PALM2AKAP2: variants seen among roughly 807,000 people sequenced by gnomAD.
The protein encoded by PALM2AKAP2 is PALM2 and AKAP2 fusion.
A neutral mutation model predicts 71.5 loss-of-function variants in PALM2AKAP2; 37 were observed. The observed-to-expected ratio is 0.52, with a 90% CI of 0.40 to 0.68. The LOEUF (loss-of-function observed/expected upper bound fraction) is 0.68, where lower values mean the gene tolerates loss of function less well. Ranked by LOEUF, PALM2AKAP2 falls within the 30% of genes least tolerant of loss-of-function variation. The pLI is 0.00. For missense variants in PALM2AKAP2, 1,224 were observed against 1,191.8 expected, an observed-to-expected ratio of 1.03 and a Z score of -0.40; for synonymous variants, 468 against 478.8, an observed-to-expected ratio of 0.98 and a Z score of 0.29.
intron 6 of PALM2AKAP2, chr9:109,942,763 G>C (rs1248470108): frequency 1.9e-6 from 3 of 1,613,878 alleles, no homozygotes; most frequent in Non-Finnish European, 1.7e-6. Context: ...ATCTACCATT[G>C]GCCCAGAGGG....
intron 1 of PALM2AKAP2, among the ~76,000 whole-genome samples, chr9:109,735,015 G>A (rs903766528): frequency 6.6e-6 from 1 of 151,784 alleles, no homozygotes; most frequent in African/African-American, 2.4e-5. Flanking sequence ...ACTCTCTGGT[G>A]GGCCAAGCTG....
rs148797049 is a variant in PALM2AKAP2 at position 109,793,947 on chromosome 9, T to G, written c.45+13414T>G. 1.3e-4 allele frequency among the ~76,000 whole-genome samples: 20 copies of G among 152,336 alleles called. No individual in the cohort carries two copies. The East Asian group carries it at 3.9e-3, about 29-fold the overall frequency. On this transcript the variant is annotated intron_variant, in intron 1 of 9. Transcript: ENST00000302798. ...TAATTAAAACAGAGACTCTATGGCC[T>G]GTAAAGCCAAAAATATTTACTATCT... is the stretch of plus-strand genomic sequence containing the variant.
intron 1 of PALM2AKAP2, among the ~76,000 whole-genome samples, chr9:109,843,301 C>CTAA (rs1554719854): frequency 1.5e-5 from 1 of 66,960 alleles, no homozygotes; most frequent in African/African-American, 7.0e-5. Context: ...GCCCCTGTCT[C>CTAA]AAAAAAAAAA....
At position 109,894,372 on chromosome 9, in the gene PALM2AKAP2, G is replaced by C. The variant is rs368762761; in HGVS notation, c.257+13691G>C. 1.3e-3 allele frequency among the ~76,000 whole-genome samples: 204 copies of C among 152,254 alleles called. 1 individual carries two copies. Among genetic ancestry groups the C allele is most frequent in the African/African-American group, 4.7e-3 (195 of 41,570 alleles). ...AACAAACAAACAAAAATGCATCTAA[G>C]TTGTCTGAGTGATGTCCTGCTCAAG... On this transcript the variant is annotated intron_variant, in intron 3 of 9. Coordinates refer to the PALM2AKAP2 transcript ENST00000302798.
At chr9:109,752,029 GT>G (rs1828893435) in intron 1 of PALM2AKAP2, among the ~76,000 whole-genome samples, 1 of 152,082 alleles carries the variant, frequency 6.6e-6, no homozygotes, top group Non-Finnish European at 1.5e-5. Context: ...GGCCTGATTG[GT>G]CCTTTCATGT....
chr9:110,016,924 G>A (rs2132347061), intron 7 of PALM2AKAP2, among the ~76,000 whole-genome samples: 1 of 152,098 alleles, frequency 6.6e-6, no homozygotes, highest in East Asian at 1.9e-4. Flanking sequence ...CTTTTGCCCA[G>A]GCCGGAGTGC....
In PALM2AKAP2 at chr9:109,899,741, G is replaced by A. The variant is rs755199397; in HGVS notation, c.257+19060G>A. On this transcript the variant is annotated intron_variant, in intron 3 of 9. Coordinates refer to the PALM2AKAP2 transcript ENST00000302798. ...ATGTACCAAGCTCTGTCTGTGTCCCGTTCTTTGGATCTACTGTCCCTTCTC... is the reference window on the plus strand; with the variant it reads ...ATGTACCAAGCTCTGTCTGTGTCCCATTCTTTGGATCTACTGTCCCTTCTC... Among the ~76,000 whole-genome samples, 7 of 152,106 alleles carry A rather than the reference G, an allele frequency of 4.6e-5. No homozygotes were observed. In the East Asian group the frequency reaches 5.8e-4, roughly 13 times the overall value.
intron 1 of PALM2AKAP2, among the ~76,000 whole-genome samples, chr9:109,840,959 C>T (rs953683062): frequency 1.3e-5 from 2 of 152,142 alleles, no homozygotes; most frequent in Non-Finnish European, 1.5e-5. Context: ...GACAGTGTGG[C>T]GATAGCTCAG....
chr9:109,814,165 CAGTG>C (rs1827794040), intron 1 of PALM2AKAP2, among the ~76,000 whole-genome samples: 1 of 152,238 alleles, frequency 6.6e-6, no homozygotes, highest in African/African-American at 2.4e-5. Flanking sequence ...CATTGGGACA[CAGTG>C]GGTAAGCAAA....
intron 1 of PALM2AKAP2, among the ~76,000 whole-genome samples, chr9:109,828,650 T>A (rs1828219512): frequency 6.6e-6 from 1 of 151,944 alleles, no homozygotes; most frequent in Non-Finnish European, 1.5e-5. Context: ...CAGAGATATT[T>A]GTTTGACTTT....
chr9:109,805,455 G>T (rs1455265408), intron 1 of PALM2AKAP2, among the ~76,000 whole-genome samples: 2 of 152,164 alleles, frequency 1.3e-5, no homozygotes, highest in African/African-American at 4.8e-5. Flanking sequence ...ATTCCAGTCT[G>T]ATTGCTTATT....
intron 6 of PALM2AKAP2, among the ~76,000 whole-genome samples, chr9:109,971,295 T>A: frequency 8.5e-6 from 1 of 118,036 alleles, no homozygotes; most frequent in Non-Finnish European, 2.0e-5. Flanking sequence ...TTTTTTTTTT[T>A]TTTTTTTTTT....
chr9:109,809,954 C>A (rs1827684382), intron 1 of PALM2AKAP2, among the ~76,000 whole-genome samples: 1 of 152,192 alleles, frequency 6.6e-6, no homozygotes, highest in Non-Finnish European at 1.5e-5. Context: ...GCCTCCCCAG[C>A]CATGTGGAAC....
At chr9:110,023,829 G>A (rs1833123394) in intron 7 of PALM2AKAP2, among the ~76,000 whole-genome samples, 1 of 151,880 alleles carries the variant, frequency 6.6e-6, no homozygotes, top group African/African-American at 2.4e-5. Context: ...CAGTCTCTAC[G>A]AAATACAAAA....
chr9:109,766,667 CAA>C, intron 1 of PALM2AKAP2, among the ~76,000 whole-genome samples: 1 of 152,308 alleles, frequency 6.6e-6, no homozygotes, highest in East Asian at 1.9e-4. Context: ...TAGCGGATTA[CAA>C]AGACTCTGAT....
At chr9:109,917,833 G>T (rs933258715) in intron 3 of PALM2AKAP2, among the ~76,000 whole-genome samples, 1 of 152,116 alleles carries the variant, frequency 6.6e-6, no homozygotes, top group Non-Finnish European at 1.5e-5. Flanking sequence ...AGTCCCTTCG[G>T]ATCATTTTTA....
intron 1 of PALM2AKAP2, among the ~76,000 whole-genome samples, chr9:109,831,736 C>T (rs936883076): frequency 2.4e-4 from 37 of 152,258 alleles, no homozygotes; most frequent in African/African-American, 8.7e-4. Context: ...CTAAACTTTA[C>T]AGTACATAAA....
chr9:109,923,933 C>T, intron 4 of PALM2AKAP2, 84 bp downstream of exon 4: 1 of 1,337,758 alleles, frequency 7.5e-7, no homozygotes, highest in South Asian at 1.5e-5. Flanking sequence ...GGAAACAGGC[C>T]AGTGGGCATT....
At chr9:110,035,285 AT>A (rs1833363503) in intron 7 of PALM2AKAP2, among the ~76,000 whole-genome samples, 3 of 145,588 alleles carry the variant, frequency 2.1e-5, no homozygotes, top group Non-Finnish European at 3.0e-5. Context: ...TAATATACAT[AT>A]TGTACATATG....
Sources: gnomAD v4.1 joint callset for allele counts (sites outside exome capture counted in the v4.1 genomes callset) on GRCh38, gnomAD v4.1.1 for gene constraint, MANE v1.5 for transcripts, NCBI Gene and HGNC (gene_info 2026-07-23, HGNC 2026-07-21) for gene names.